CRIM1: variants seen among roughly 807,000 people sequenced by gnomAD.
The protein encoded by CRIM1 is cysteine rich transmembrane BMP regulator 1.
Under a neutral mutation model 116.4 loss-of-function variants are expected in CRIM1, and 32 were observed. That is an observed-to-expected ratio of 0.27 (90% CI 0.21 to 0.37). The LOEUF is 0.37. Ranked by LOEUF, CRIM1 falls within the 10% of genes least tolerant of loss-of-function variation. CRIM1 has a pLI of 1.00. For missense variants in CRIM1, 1,331 were observed against 1,354.8 expected (o/e 0.98, Z 0.28); for synonymous variants, 590 against 509.2 (o/e 1.16, Z -2.13).
intron 1 of CRIM1, among the ~76,000 whole-genome samples, chr2:36,357,118 A>T (rs1396539848): frequency 2.0e-5 from 3 of 152,126 alleles, no homozygotes; most frequent in Non-Finnish European, 2.9e-5. Flanking sequence ...GCACTCCCCG[A>T]GTGACTCTTA....
Position 36,547,021 on chromosome 2 carries a change from G to C in CRIM1, c.2784G>C (p.Arg928Ser). The C allele has an allele frequency of 1.2e-6, 2 of 1,612,430 alleles. No individual in the cohort carries two copies. Among genetic ancestry groups the C allele is most frequent in the Non-Finnish European group, 1.7e-6 (2 of 1,178,972 alleles). The change falls in exon 16 of 17, where the codon AGG (arginine) becomes AGC (serine). Residue 928 changes from arginine to serine, a missense_variant. Physicochemically the swap from Arg to Ser is moderately radical, Grantham distance 110. Transcript: ENST00000280527. ...TCCAGGTAGATTACAGAGATAACAG[G>C]CTGCACCCAAGTGAAGATTCTTCAC... ...GHLQVDYRDN[R>S]LHPSEDSSLD...
chr2:36,516,279 G>A (rs573905423), intron 11 of CRIM1, among the ~76,000 whole-genome samples: 6 of 152,168 alleles, frequency 3.9e-5, no homozygotes, highest in South Asian at 2.1e-4. Context: ...ATTCTGGGGC[G>A]TGACTTCCAC....
Position 36,510,110 on chromosome 2 carries a change from C to T in CRIM1, c.1629C>T (p.Ile543=). 6.2e-7 allele frequency: 1 copy of T among 1,614,150 alleles called. No individual in the cohort carries two copies. The highest frequency in any genetic ancestry group is 8.5e-7 in the Non-Finnish European group (1 of 1,179,988). The change falls in exon 9 of 17, where the codon ATC becomes ATT. Residue 543 remains isoleucine, a synonymous_variant. Transcript: ENST00000280527. ...RPRPKKCRPI[I]CDKYCPLGLL... ...GGCCCAAGAAGTGCAGACCCATAAT[C>T]TGTGACAAGTATTGTCCACTTGGAT...
chr2:36,540,888 A>G (rs1666897640), intron 14 of CRIM1, among the ~76,000 whole-genome samples: 4 of 152,194 alleles, frequency 2.6e-5, no homozygotes, highest in Admixed American at 1.3e-4. Context: ...TGAGTTTGAT[A>G]AGAGAGAGTA....
chr2:36,502,761 A>G (rs1039364099), intron 8 of CRIM1, among the ~76,000 whole-genome samples: 1 of 152,226 alleles, frequency 6.6e-6, no homozygotes, highest in Non-Finnish European at 1.5e-5. Context: ...TTCACACCAG[A>G]GTAGAGAAAG....
rs1485982038 is a variant in CRIM1, at chr2:36,549,832, GTA to G, written c.*1136_*1137del. 2 of 151,224 alleles carry G rather than the reference GTA, an allele frequency of 1.3e-5. No homozygotes were observed. The highest frequency in any genetic ancestry group is 2.1e-4 in the South Asian group (1 of 4,816). 9.4% of individuals were successfully genotyped at this position (151,224 alleles called of 1,614,324 possible). A position where few individuals can be genotyped will look rare whatever the true frequency, so the allele number is the denominator to read the frequency against. ...AAAACAAAAGTATTTGTGTGCATGT[GTA>G]TATAATATATATATATACATATATA... On this transcript the variant is annotated 3_prime_UTR_variant, in exon 17 of 17. Transcript: ENST00000280527.
chr2:36,422,951 A>G (rs985012427), intron 2 of CRIM1, among the ~76,000 whole-genome samples: 2 of 152,308 alleles, frequency 1.3e-5, no homozygotes, highest in African/African-American at 2.4e-5. Context: ...GCATTATCCA[A>G]TCTAAGCCTG....
intron 4 of CRIM1, among the ~76,000 whole-genome samples, chr2:36,443,502 C>G (rs1676015609): frequency 6.6e-6 from 1 of 152,228 alleles, no homozygotes; most frequent in South Asian, 2.1e-4. Flanking sequence ...CCATCTTTTG[C>G]AGGTCAACAA....
At chr2:36,440,532 T>A (rs916157193) in intron 2 of CRIM1, among the ~76,000 whole-genome samples, 13 of 152,240 alleles carry the variant, frequency 8.5e-5, no homozygotes, top group Non-Finnish European at 1.9e-4. Context: ...TCCTCCATCG[T>A]AAAATCTGAG....
intron 2 of CRIM1, among the ~76,000 whole-genome samples, chr2:36,397,251 A>G (rs1317616732): frequency 6.6e-6 from 1 of 152,226 alleles, no homozygotes; most frequent in Non-Finnish European, 1.5e-5. Context: ...GAGGGCAGGA[A>G]TCACATAGGG....
intron 2 of CRIM1, among the ~76,000 whole-genome samples, chr2:36,415,190 T>G (rs1319755554): frequency 6.6e-6 from 1 of 152,132 alleles, no homozygotes; most frequent in Admixed American, 6.5e-5. Context: ...GGTTCTGGCT[T>G]GAGCAGTTGG....
intron 8 of CRIM1, among the ~76,000 whole-genome samples, chr2:36,504,424 T>A (rs1681239330): frequency 6.6e-6 from 1 of 152,220 alleles, no homozygotes; most frequent in South Asian, 2.1e-4. Flanking sequence ...ACATTAGGAT[T>A]GAAATCAAAA....
At chr2:36,383,381 C>A (rs112344742) in intron 1 of CRIM1, among the ~76,000 whole-genome samples, 131 of 152,310 alleles carry the variant, frequency 8.6e-4, no homozygotes, top group African/African-American at 3.0e-3. Context: ...AAGTTTATTT[C>A]TTTGCATCTC....
chr2:36,393,168 A>G lies in CRIM1; in HGVS notation c.332-3446A>G, dbSNP rs115805168. On this transcript the variant is annotated intron_variant, in intron 1 of 16. Coordinates refer to ENST00000280527, the MANE Select transcript of CRIM1 (RefSeq NM_016441.3). ...GGACTGTTGATGCCAGCCAGGTGAT[A>G]AGAAGTTGAAGTCTTAGAGCTGAAC... 3.1e-3 allele frequency among the ~76,000 whole-genome samples: 467 copies of G among 152,330 alleles called. 1 individual carries two copies. Among genetic ancestry groups the G allele is most frequent in the African/African-American group, 0.01 (434 of 41,584 alleles).
chr2:36,476,784 T>A, intron 5 of CRIM1, 105 bp from the exon 6 acceptor site: 1 of 876,306 alleles, frequency 1.1e-6, no homozygotes, highest in Non-Finnish European at 1.8e-6. Flanking sequence ...TTCCATCAAC[T>A]TATAACCTCC....
chr2:36,505,885 C>T (rs748697134), intron 8 of CRIM1, among the ~76,000 whole-genome samples: 1 of 152,184 alleles, frequency 6.6e-6, no homozygotes, highest in Admixed American at 6.5e-5. Context: ...AGTTCAAACA[C>T]ATACCATACC....
In CRIM1 at chr2:36,548,566, G is replaced by A. The variant is rs1268532055; in HGVS notation, c.2976G>A (p.Lys992=). Residue 992 remains lysine (K), a synonymous_variant, in exon 17 of 17, where the codon AAG becomes AAA. Coordinates refer to ENST00000280527, the MANE Select transcript of CRIM1 (RefSeq NM_016441.3). ...LNNQLVSVDC[K]KGTRVQVDSS... is the part of the protein sequence containing the mutation. ...ATCAGCTAGTATCTGTGGACTGCAA[G>A]AAAGGAACCAGAGTCCAGGTGGACA... 2 of 1,602,076 alleles carry A rather than the reference G, an allele frequency of 1.2e-6. No individual in the cohort carries two copies. The highest frequency in any genetic ancestry group is 1.8e-5 in the Admixed American group (1 of 56,404).
intron 2 of CRIM1, among the ~76,000 whole-genome samples, chr2:36,398,506 ATT>A (rs1475560345): frequency 5.3e-5 from 8 of 152,356 alleles, no homozygotes; most frequent in African/African-American, 1.7e-4. Context: ...GATTAACTTT[ATT>A]GATTTTTAAA....
In CRIM1 at chr2:36,548,820, G is replaced by A. The variant is rs190016134; in HGVS notation, c.*119G>A. Reference sequence around the variant, plus strand: ...GTATTGGATTGTGACTTGATGTACAGCGCTAAGACCTTACTGGGATGGGCT... The same window carrying A: ...GTATTGGATTGTGACTTGATGTACAACGCTAAGACCTTACTGGGATGGGCT... On this transcript the variant is annotated 3_prime_UTR_variant, in exon 17 of 17. Coordinates refer to ENST00000280527, the MANE Select transcript of CRIM1 (RefSeq NM_016441.3). 9.4e-5 allele frequency: 73 copies of A among 780,098 alleles called. 1 individual carries two copies. In the African/African-American group the frequency reaches 1.2e-3, roughly 13 times the overall value. The allele number at this position is 780,098 out of a possible 1,614,324, so 48.3% of individuals were successfully genotyped here.
Sources: allele counts gnomAD v4.1 joint callset (sites outside exome capture counted in the v4.1 genomes callset), GRCh38; gene constraint gnomAD v4.1.1; transcripts MANE v1.5; gene names NCBI Gene and HGNC (gene_info 2026-07-23, HGNC 2026-07-21).